Variants in TRDN observed in about 807,000 individuals in gnomAD.
TRDN encodes triadin in skeletal muscle.
A neutral mutation model predicts 149.7 loss-of-function variants in TRDN; 161 were observed. That is an observed-to-expected ratio of 1.08 (90% CI 0.95 to 1.23). The LOEUF (loss-of-function observed/expected upper bound fraction) is 1.23, where lower values mean the gene tolerates loss of function less well. Ranked by LOEUF, TRDN falls within the 50% of genes most tolerant of loss-of-function variation. The pLI is 0.00. For synonymous variants in TRDN, 294 were observed against 250.5 expected (o/e 1.17, Z -1.64); for missense variants, 896 against 823.5 (o/e 1.09, Z -1.08).
chr6:123,240,811 C>A (rs1775963293), intron 38 of TRDN, among the ~76,000 whole-genome samples: 1 of 151,752 alleles, frequency 6.6e-6, no homozygotes, highest in Non-Finnish European at 1.5e-5. Context: ...ATTTAAAAGT[C>A]AAAATATTGA....
At chr6:123,568,201 C>T (rs2317707) in intron 2 of TRDN, among the ~76,000 whole-genome samples, 55,690 of 152,030 alleles carry the variant, frequency 0.37, 11,591 homozygotes, top group East Asian at 0.85. Context: ...CCTGGGAACA[C>T]TGATATGAGG....
intron 1 of TRDN, among the ~76,000 whole-genome samples, chr6:123,591,403 G>C (rs923430399): frequency 6.6e-6 from 1 of 151,918 alleles, no homozygotes; most frequent in African/African-American, 2.4e-5. Flanking sequence ...GCCCCACCAC[G>C]CCCAGCTAAT....
At chr6:123,439,055 A>T in intron 10 of TRDN, 52 bp from the exon 11 acceptor site, 1 of 1,421,454 alleles carries the variant, frequency 7.0e-7, no homozygotes, top group Non-Finnish European at 9.5e-7. Flanking sequence ...TATGAAAGCA[A>T]AACCAAGGTT....
chr6:123,576,643 T>C (rs1443402997), intron 1 of TRDN, among the ~76,000 whole-genome samples: 1 of 151,774 alleles, frequency 6.6e-6, no homozygotes, highest in Non-Finnish European at 1.5e-5. Context: ...CCCTAATCAC[T>C]CCCCAGTGGC....
At chr6:123,284,225 G>A (rs995991759) in intron 24 of TRDN, among the ~76,000 whole-genome samples, 1 of 150,124 alleles carries the variant, frequency 6.7e-6, no homozygotes, top group Non-Finnish European at 1.5e-5. Context: ...GAAAACTACA[G>A]ATCAATATTC....
chr6:123,398,533 G>C (rs957361997), intron 12 of TRDN, among the ~76,000 whole-genome samples: 1 of 152,120 alleles, frequency 6.6e-6, no homozygotes, highest in African/African-American at 2.4e-5. Context: ...CAAATTCTAA[G>C]TTATTGTTTT....
chr6:123,401,943 A>C (rs1223913973), intron 12 of TRDN, among the ~76,000 whole-genome samples: 1 of 149,712 alleles, frequency 6.7e-6, no homozygotes, highest in Non-Finnish European at 1.5e-5. Flanking sequence ...CGAGACTCCA[A>C]CTCAAAAAGA....
intron 9 of TRDN, among the ~76,000 whole-genome samples, chr6:123,494,054 G>A (rs9490787): frequency 0.043 from 6,581 of 152,050 alleles, 433 homozygotes; most frequent in African/African-American, 0.14. Flanking sequence ...AGAAATACTC[G>A]CTTTTCAAGT....
chr6:123,431,973 A>G (rs189825600), intron 12 of TRDN, among the ~76,000 whole-genome samples: 94 of 152,292 alleles, frequency 6.2e-4, no homozygotes, highest in African/African-American at 2.2e-3. Flanking sequence ...AAATAGCCAA[A>G]GGTTTTAGTT....
chr6:123,304,540 C>T (rs942456472), intron 24 of TRDN, among the ~76,000 whole-genome samples: 8 of 152,116 alleles, frequency 5.3e-5, no homozygotes, highest in Non-Finnish European at 8.8e-5. Context: ...GCGTGAGACA[C>T]TGCGCCCGGC....
At chr6:123,568,331 C>T (rs1782395583) in intron 2 of TRDN, among the ~76,000 whole-genome samples, 1 of 152,170 alleles carries the variant, frequency 6.6e-6, no homozygotes, top group Admixed American at 6.6e-5. Flanking sequence ...GTGGAAGCTG[C>T]CAGTGGATCT....
chr6:123,534,710 A>AT (rs1282325725), intron 4 of TRDN, among the ~76,000 whole-genome samples: 2 of 152,218 alleles, frequency 1.3e-5, no homozygotes, highest in African/African-American at 4.8e-5. Flanking sequence ...TCTTCAAATA[A>AT]AATTAAGTTT....
chr6:123,287,179 G>A lies in TRDN; in HGVS notation c.1511-8097C>T, dbSNP rs375645496. On this transcript the variant is annotated intron_variant, in intron 24 of 40. Transcript: ENST00000334268. Reference sequence around the variant, plus strand: ...TTTACATTTCCAGTTTCATGAATTCGTATATTCAGTTAAGATACTGGACCC... The same window carrying A: ...TTTACATTTCCAGTTTCATGAATTCATATATTCAGTTAAGATACTGGACCC... 1.4e-4 allele frequency among the ~76,000 whole-genome samples: 21 copies of A among 152,014 alleles called. No individual in the cohort carries two copies. In the East Asian group the frequency reaches 1.5e-3, roughly 11 times the overall value.
chr6:123,471,565 A>C (rs1777153267), intron 9 of TRDN: 1 of 152,216 alleles, frequency 6.6e-6, no homozygotes, highest in Non-Finnish European at 1.5e-5. Flanking sequence ...CCAACAGCTT[A>C]AACTTCTTAG....
chr6:123,219,815 G>A (rs1235355362), intron 40 of TRDN, among the ~76,000 whole-genome samples: 2 of 151,790 alleles, frequency 1.3e-5, no homozygotes, highest in East Asian at 2.0e-4. Flanking sequence ...GGGAGCTTGG[G>A]GGTTAGGCAG....
chr6:123,287,923 G>A (rs1203067274), intron 24 of TRDN, among the ~76,000 whole-genome samples: 6 of 151,652 alleles, frequency 4.0e-5, no homozygotes, highest in Admixed American at 2.6e-4. Flanking sequence ...TAATGATAGG[G>A]ACTTTAGCCT....
rs149797720 is a variant in TRDN, at chr6:123,314,515, A to G, written c.1510+1942T>C. Among the ~76,000 whole-genome samples the G allele has an allele frequency of 1.8e-3, 271 of 152,170 alleles. 1 individual carries two copies. The highest frequency in any genetic ancestry group is 3.3e-3 in the Non-Finnish European group (223 of 67,974). On this transcript the variant is annotated intron_variant, in intron 24 of 40. Transcript: ENST00000334268. ...TAGGTATATACCCAGAGGAAAATAA[A>G]TCCTTCTGTTATAAAGACACATGCA...
chr6:123,590,807 C>T (rs953332606), intron 1 of TRDN, among the ~76,000 whole-genome samples: 18 of 151,978 alleles, frequency 1.2e-4, no homozygotes, highest in African/African-American at 1.9e-4. Flanking sequence ...ATAAAGTGCA[C>T]GATAAATATA....
At chr6:123,343,648 C>T (rs1027742014) in intron 21 of TRDN, among the ~76,000 whole-genome samples, 3 of 151,828 alleles carry the variant, frequency 2.0e-5, no homozygotes, top group Non-Finnish European at 4.4e-5. Context: ...TCCGTGCACT[C>T]GAGTTAGTGG....
Sources: allele counts gnomAD v4.1 joint callset (sites outside exome capture counted in the v4.1 genomes callset), GRCh38; gene constraint gnomAD v4.1.1; transcripts MANE v1.5; gene names NCBI Gene and HGNC (gene_info 2026-07-23, HGNC 2026-07-21).